Variants in EPM2A observed in about 807,000 individuals in gnomAD.
The protein encoded by EPM2A is laforin.
Under a neutral mutation model 26.5 loss-of-function variants are expected in EPM2A, and 21 were observed. The ratio of observed to expected loss-of-function variants is 0.79; its 90% CI spans 0.56 to 1.14. EPM2A has a LOEUF of 1.14. EPM2A is among the 50% of genes most tolerant of loss of function. The pLI is 0.00. For missense variants in EPM2A, 458 were observed against 440.8 expected (o/e 1.04, Z -0.35); for synonymous variants, 217 against 177.6 (o/e 1.22, Z -1.76).
intron 2 of EPM2A, among the ~76,000 whole-genome samples, chr6:145,677,502 T>G (rs532600643): frequency 1.3e-5 from 2 of 152,332 alleles, no homozygotes; most frequent in Admixed American, 6.5e-5. Context: ...TGTCCCTGTT[T>G]GCAGATGTCA....
At chr6:145,711,489 G>C (rs58526864) in intron 1 of EPM2A, among the ~76,000 whole-genome samples, 2,097 of 152,242 alleles carry the variant, frequency 0.014, 42 homozygotes, top group African/African-American at 0.047. Context: ...TAAAAGTCTT[G>C]TAGACAAGAG....
chr6:145,706,591 A>G (rs1261737569), intron 1 of EPM2A, among the ~76,000 whole-genome samples: 1 of 152,180 alleles, frequency 6.6e-6, no homozygotes, highest in Non-Finnish European at 1.5e-5. Flanking sequence ...GCCACTGGAG[A>G]AAAACAGAGC....
chr6:145,657,890 G>A lies in EPM2A; in HGVS notation c.477-22404C>T, dbSNP rs79118249. Among the ~76,000 whole-genome samples, 603 of 152,270 alleles carry A rather than the reference G, an allele frequency of 4.0e-3. 8 individuals are homozygous for A. The East Asian group carries it at 0.053, about 13-fold the overall frequency. Reference sequence around the variant, plus strand: ...AGACTTATGGGCACTCAGGTGATGCGTTTCTTTGGACTGCCCTTCAACTTT... The same window carrying A: ...AGACTTATGGGCACTCAGGTGATGCATTTCTTTGGACTGCCCTTCAACTTT... On this transcript the variant is annotated intron_variant, in intron 2 of 3. Coordinates refer to ENST00000367519, the MANE Select transcript of EPM2A (RefSeq NM_005670.4).
At chr6:145,612,696 T>A (rs1056470458) in intron 2 of EPM2A, among the ~76,000 whole-genome samples, 7 of 148,438 alleles carry the variant, frequency 4.7e-5, no homozygotes, top group African/African-American at 1.7e-4. Flanking sequence ...TGTTATCTAT[T>A]AAGAGTACAA....
intron 2 of EPM2A, among the ~76,000 whole-genome samples, chr6:145,618,292 T>G (rs1775558317): frequency 6.6e-6 from 1 of 152,152 alleles, no homozygotes; most frequent in South Asian, 2.1e-4. Context: ...TACAAAAGAT[T>G]GTTGAACCTT....
intron 2 of EPM2A, among the ~76,000 whole-genome samples, chr6:145,540,952 T>A (rs1780498039): frequency 1.3e-5 from 2 of 152,232 alleles, no homozygotes; most frequent in South Asian, 4.2e-4. Flanking sequence ...AAGCCAAATA[T>A]AAATTTTGGC....
chr6:145,409,208 C>A (rs1778610274), intron 4 of EPM2A, among the ~76,000 whole-genome samples: 1 of 151,958 alleles, frequency 6.6e-6, no homozygotes, highest in Non-Finnish European at 1.5e-5. Flanking sequence ...GTCTGTAGAG[C>A]AACTTATGGT....
intron 1 of EPM2A, among the ~76,000 whole-genome samples, chr6:145,702,849 T>A (rs1583084862): frequency 6.6e-6 from 1 of 152,334 alleles, no homozygotes; most frequent in East Asian, 1.9e-4. Flanking sequence ...CCAACCATGC[T>A]AGCTTTACCC....
chr6:145,509,746 A>G (rs562096046), intron 2 of EPM2A, among the ~76,000 whole-genome samples: 1 of 152,330 alleles, frequency 6.6e-6, no homozygotes, highest in Admixed American at 6.5e-5. Context: ...TTAACCTTGA[A>G]TATAAATGGC....
At chr6:145,460,752 G>A (rs1779319626) in intron 4 of EPM2A, among the ~76,000 whole-genome samples, 1 of 152,048 alleles carries the variant, frequency 6.6e-6, no homozygotes, top group East Asian at 1.9e-4. Flanking sequence ...CACTACTTGG[G>A]TTCTAAGGGA....
At chr6:145,722,525 T>G (rs1299513553) in intron 1 of EPM2A, among the ~76,000 whole-genome samples, 1 of 152,156 alleles carries the variant, frequency 6.6e-6, no homozygotes, top group Non-Finnish European at 1.5e-5. Flanking sequence ...CTTGCCAAAT[T>G]TCCATGTCCT....
At chr6:145,613,090 C>G (rs1184644274) in intron 2 of EPM2A, among the ~76,000 whole-genome samples, 1 of 152,224 alleles carries the variant, frequency 6.6e-6, no homozygotes, top group East Asian at 1.9e-4. Context: ...TTAATCCTCT[C>G]AAACCCTGCC....
At chr6:145,390,176 G>A (rs1048698065) in intron 4 of EPM2A, among the ~76,000 whole-genome samples, 33 of 152,048 alleles carry the variant, frequency 2.2e-4, no homozygotes, top group Non-Finnish European at 4.0e-4. Flanking sequence ...GTTGCAGTTC[G>A]CTGGCTGAAT....
At chr6:145,611,430 G>A (rs185213212) in intron 2 of EPM2A, among the ~76,000 whole-genome samples, 3 of 151,838 alleles carry the variant, frequency 2.0e-5, no homozygotes, top group Non-Finnish European at 2.9e-5. Context: ...TCCAAAGACA[G>A]CCATCTCCAC....
intron 4 of EPM2A, among the ~76,000 whole-genome samples, chr6:145,422,057 G>GCA (rs372438789): frequency 0.013 from 1,764 of 131,744 alleles, 23 homozygotes; most frequent in South Asian, 0.048. Context: ...ATATATGAGT[G>GCA]TATATATATA....
intron 4 of EPM2A, among the ~76,000 whole-genome samples, chr6:145,438,518 G>A (rs1301535148): frequency 7.1e-6 from 1 of 141,838 alleles, no homozygotes; most frequent in Non-Finnish European, 1.5e-5. Flanking sequence ...CTGTCACCCA[G>A]GCTGGAGTGC....
chr6:145,631,572 A>G (rs1776254351), intron 3 of EPM2A: 1 of 152,152 alleles, frequency 6.6e-6, no homozygotes, highest in Non-Finnish European at 1.5e-5. Context: ...AAACAGCAAT[A>G]AAAGCCTATT....
intron 2 of EPM2A, among the ~76,000 whole-genome samples, chr6:145,552,033 G>A (rs1239808298): frequency 6.6e-6 from 1 of 151,596 alleles, no homozygotes; most frequent in Admixed American, 6.6e-5. Flanking sequence ...AGATTCCTAT[G>A]AATACAGAAT....
At chr6:145,611,371 T>A (rs984083097) in intron 2 of EPM2A, among the ~76,000 whole-genome samples, 10 of 151,984 alleles carry the variant, frequency 6.6e-5, no homozygotes, top group Non-Finnish European at 1.0e-4. Flanking sequence ...AGTAATTATA[T>A]ACAAGACTCC....
Sources: gnomAD v4.1 joint callset for allele counts (sites outside exome capture counted in the v4.1 genomes callset) on GRCh38, gnomAD v4.1.1 for gene constraint, MANE v1.5 for transcripts, NCBI Gene and HGNC (gene_info 2026-07-23, HGNC 2026-07-21) for gene names.